Variants in GLIS3 observed in about 807,000 individuals in gnomAD.
GLIS3 encodes zinc finger protein GLIS3.
Under a neutral mutation model 78.6 loss-of-function variants are expected in GLIS3, and 53 were observed. That is an observed-to-expected ratio of 0.67 (90% confidence interval 0.54 to 0.85). GLIS3 has a LOEUF of 0.85. Among genes scored for constraint, GLIS3 ranks in the 40% least tolerant of loss-of-function variants. The pLI is 0.00. For synonymous variants in GLIS3, 684 were observed against 509.9 expected, an observed-to-expected ratio of 1.34 and a Z score of -4.60; for missense variants, 1,703 against 1,231.1, an observed-to-expected ratio of 1.38 and a Z score of -5.74.
intron 8 of GLIS3, among the ~76,000 whole-genome samples, chr9:3,859,606 A>G (rs1820039979): frequency 6.6e-6 from 1 of 152,164 alleles, no homozygotes; most frequent in Admixed American, 6.5e-5. Context: ...CATCACTCCC[A>G]TTCATCTTCA....
chr9:4,280,853 G>C (rs887992350), intron 2 of GLIS3, among the ~76,000 whole-genome samples: 1 of 151,982 alleles, frequency 6.6e-6, no homozygotes, highest in Non-Finnish European at 1.5e-5. Context: ...GGACCAGAGA[G>C]AGCGGAGTGG....
intron 4 of GLIS3, among the ~76,000 whole-genome samples, chr9:4,053,555 A>G (rs1283893988): frequency 1.3e-5 from 2 of 151,888 alleles, no homozygotes; most frequent in South Asian, 2.1e-4. Context: ...GTTCGACAGA[A>G]TATCTCCTAA....
chr9:3,937,333 T>C (rs1825955468), intron 4 of GLIS3, 144 bp from the exon 5 acceptor site: 2 of 799,764 alleles, frequency 2.5e-6, no homozygotes, highest in Non-Finnish European at 4.0e-6. Flanking sequence ...TAAATATTGC[T>C]CCTAAAAATA....
At chr9:4,284,566 T>C (rs1266490267) in intron 2 of GLIS3, among the ~76,000 whole-genome samples, 3 of 150,566 alleles carry the variant, frequency 2.0e-5, no homozygotes, top group Non-Finnish European at 4.4e-5. Context: ...CTCTAAGAAA[T>C]AAAATGACTC....
At chr9:4,023,343 A>T (rs1302746413) in intron 4 of GLIS3, among the ~76,000 whole-genome samples, 4 of 152,224 alleles carry the variant, frequency 2.6e-5, no homozygotes, top group Non-Finnish European at 5.9e-5. Context: ...AATTTAAACA[A>T]AACCCCATTC....
At chr9:3,950,790 A>G (rs1588296498) in intron 4 of GLIS3, among the ~76,000 whole-genome samples, 1 of 152,244 alleles carries the variant, frequency 6.6e-6, no homozygotes, top group Admixed American at 6.5e-5. Flanking sequence ...GATGTGTTGA[A>G]TAACGGACAA....
intron 2 of GLIS3, among the ~76,000 whole-genome samples, chr9:4,209,802 C>G (rs916666307): frequency 1.4e-4 from 15 of 106,908 alleles, no homozygotes; most frequent in African/African-American, 5.9e-4. Flanking sequence ...CACCAGAATC[C>G]AGTAGCATTC....
intron 4 of GLIS3, among the ~76,000 whole-genome samples, chr9:4,088,525 A>G (rs1459219549): frequency 6.6e-6 from 1 of 152,258 alleles, no homozygotes; most frequent in Non-Finnish European, 1.5e-5. Context: ...TCCTTAAACC[A>G]ACTTTGAAAG....
chr9:4,385,737 A>AAAAGAAAGAAAAAGAAAG, the GLIS3 span, among the ~76,000 whole-genome samples: 1 of 54,550 alleles, frequency 1.8e-5, no homozygotes, highest in Non-Finnish European at 3.5e-5. Flanking sequence ...GAAAGAAAGA[A>AAAAGAAAGAAAAAGAAAG]AAAGAAAGAA....
At chr9:4,368,338 GTTT>G in the GLIS3 span, among the ~76,000 whole-genome samples, 11 of 135,142 alleles carry the variant, frequency 8.1e-5, no homozygotes, top group Admixed American at 1.5e-4. Context: ...CAAGAACCCT[GTTT>G]TTTTTTTTTT....
At chr9:4,154,597 C>A (rs1564126432) in intron 2 of GLIS3, among the ~76,000 whole-genome samples, 1 of 121,580 alleles carries the variant, frequency 8.2e-6, no homozygotes, top group Non-Finnish European at 1.7e-5. Context: ...ATAAACAGTC[C>A]TTGCGAATCA....
At chr9:4,437,366 A>G in the GLIS3 span, among the ~76,000 whole-genome samples, 5 of 152,126 alleles carry the variant, frequency 3.3e-5, no homozygotes, top group Non-Finnish European at 7.4e-5. Context: ...TATTCTTTTT[A>G]CATATTCATA....
the GLIS3 span, among the ~76,000 whole-genome samples, chr9:4,456,538 G>C: frequency 6.6e-6 from 1 of 152,188 alleles, no homozygotes; most frequent in Non-Finnish European, 1.5e-5. Flanking sequence ...CACTGCAGTA[G>C]CACTTCTAAT....
At chr9:3,874,379 C>T (rs556067482) in intron 8 of GLIS3, among the ~76,000 whole-genome samples, 32 of 152,324 alleles carry the variant, frequency 2.1e-4, no homozygotes, top group African/African-American at 7.7e-4. Flanking sequence ...TGTGTCCCTT[C>T]CCGTATGCCT....
intron 7 of GLIS3, among the ~76,000 whole-genome samples, chr9:3,881,614 C>CCTCT (rs1165316936): frequency 1.3e-5 from 2 of 152,166 alleles, no homozygotes; most frequent in Non-Finnish European, 2.9e-5. Flanking sequence ...TGGTTTAGGA[C>CCTCT]CTCTCTTTCA....
At chr9:4,076,507 T>C (rs749826905) in intron 4 of GLIS3, among the ~76,000 whole-genome samples, 1 of 152,176 alleles carries the variant, frequency 6.6e-6, no homozygotes, top group Non-Finnish European at 1.5e-5. Flanking sequence ...CTATAATTAG[T>C]ATATTCTAAT....
At chr9:4,259,920 G>A (rs117935783) in intron 2 of GLIS3, among the ~76,000 whole-genome samples, 3 of 152,312 alleles carry the variant, frequency 2.0e-5, no homozygotes, top group Non-Finnish European at 4.4e-5. Flanking sequence ...ACCTACTTAT[G>A]CTCTTAACTG....
upstream of GLIS3, among the ~76,000 whole-genome samples, chr9:4,300,154 G>T (rs1817000683): frequency 6.6e-6 from 1 of 151,612 alleles, no homozygotes; most frequent in Non-Finnish European, 1.5e-5. Flanking sequence ...CGGGCTCGCG[G>T]GTCACTAGGC....
chr9:3,875,288 GATA>G (rs1412902427), intron 8 of GLIS3, among the ~76,000 whole-genome samples: 1 of 152,162 alleles, frequency 6.6e-6, no homozygotes, highest in Admixed American at 6.5e-5. Flanking sequence ...GTGTCATTCA[GATA>G]ATATTTCAAA....
Sources: gnomAD v4.1 joint callset for allele counts (sites outside exome capture counted in the v4.1 genomes callset) on GRCh38, gnomAD v4.1.1 for gene constraint, MANE v1.5 for transcripts, NCBI Gene and HGNC (gene_info 2026-07-23, HGNC 2026-07-21) for gene names.